CNTNAP2: variants seen among roughly 807,000 people sequenced by gnomAD.
The protein encoded by CNTNAP2 is contactin-associated protein-like 2.
Under a neutral mutation model 155.2 loss-of-function variants are expected in CNTNAP2, and 98 were observed. The ratio of observed to expected loss-of-function variants is 0.63; its 90% CI spans 0.54 to 0.75. The LOEUF (loss-of-function observed/expected upper bound fraction) is 0.75, where lower values mean the gene tolerates loss of function less well. Among genes scored for constraint, CNTNAP2 ranks in the 30% least tolerant of loss-of-function variants. The pLI is 0.00. For synonymous variants in CNTNAP2, 651 were observed against 631.2 expected (o/e 1.03, Z -0.47); for missense variants, 1,727 against 1,688.1 (o/e 1.02, Z -0.40).
At chr7:146,588,176 G>C (rs867889305) in intron 1 of CNTNAP2, among the ~76,000 whole-genome samples, 1 of 152,076 alleles carries the variant, frequency 6.6e-6, no homozygotes, top group Admixed American at 6.6e-5. Context: ...AGAGATTTTG[G>C]TGTGGTTTGT....
intron 23 of CNTNAP2, among the ~76,000 whole-genome samples, chr7:148,413,139 C>T (rs549186754): frequency 5.7e-4 from 86 of 151,734 alleles, no homozygotes; most frequent in African/African-American, 2.0e-3. Flanking sequence ...CGCCTATAAT[C>T]CCAGCACTTT....
At chr7:148,183,379 G>A (rs1795068847) in intron 18 of CNTNAP2, among the ~76,000 whole-genome samples, 2 of 151,562 alleles carry the variant, frequency 1.3e-5, no homozygotes, top group African/African-American at 4.8e-5. Context: ...TATCATTAAA[G>A]CCTAAAGTCT....
intron 21 of CNTNAP2, among the ~76,000 whole-genome samples, chr7:148,363,626 G>T (rs981623921): frequency 2.0e-5 from 3 of 152,032 alleles, no homozygotes; most frequent in African/African-American, 7.2e-5. Context: ...TTTTTTCCTT[G>T]GGTTCCTTTT....
Position 147,651,431 on chromosome 7 carries a change from C to T in CNTNAP2, c.2098+12125C>T, listed in dbSNP as rs145369673. The stretch of plus-strand genomic sequence containing the variant: ...AGTGTTTTTTTGAATAACTGGACCC[C>T]GTAGCTAAGTTGACAGATAAAACCG... On this transcript the variant is annotated intron_variant, in intron 13 of 23. Coordinates refer to ENST00000361727, the MANE Select transcript of CNTNAP2 (RefSeq NM_014141.6). Among the ~76,000 whole-genome samples the T allele has an allele frequency of 7.0e-3, 1,067 of 152,290 alleles. 7 individuals are homozygous for T. The highest frequency in any genetic ancestry group is 0.014 in the Middle Eastern group (4 of 294).
At chr7:146,228,569 C>T (rs183655910) in intron 1 of CNTNAP2, among the ~76,000 whole-genome samples, 149 of 152,248 alleles carry the variant, frequency 9.8e-4, no homozygotes, top group Non-Finnish European at 1.4e-3. Flanking sequence ...GCTCTTTATG[C>T]ATTAATAGTA....
At position 148,147,635 on chromosome 7, in the gene CNTNAP2, G is replaced by A. The variant is rs374321266; in HGVS notation, c.2699G>A (p.Arg900Gln). The A allele has an allele frequency of 3.0e-5, 48 of 1,613,916 alleles. No homozygotes were observed. The highest frequency in any genetic ancestry group is 6.7e-5 in the East Asian group (3 of 44,870). ...NVKQASLQVD[R>Q]LPQQIRKAPT... ...AAGCAGGCCAGCCTACAGGTGGACC[G>A]GCTACCGCAGCAGATCCGCAAGGCC... The change falls in exon 17 of 24, where the codon CGG becomes CAG. Residue 900 changes from arginine (R) to glutamine (Q), a missense_variant. Arg to Gln is a conservative substitution (Grantham distance 43). Coordinates refer to ENST00000361727, the MANE Select transcript of CNTNAP2 (RefSeq NM_014141.6).
intron 17 of CNTNAP2, among the ~76,000 whole-genome samples, chr7:148,163,206 C>T (rs965880358): frequency 1.3e-5 from 2 of 152,142 alleles, no homozygotes; most frequent in African/African-American, 2.4e-5. Context: ...AAAAGCTATC[C>T]AGCCTGGGTG....
At chr7:147,541,939 G>C (rs1260034650) in intron 11 of CNTNAP2, among the ~76,000 whole-genome samples, 3 of 152,138 alleles carry the variant, frequency 2.0e-5, no homozygotes, top group African/African-American at 7.2e-5. Flanking sequence ...CCAGATAACA[G>C]ACATGCCTAT....
chr7:146,415,549 T>G (rs1053734925), intron 1 of CNTNAP2, among the ~76,000 whole-genome samples: 20 of 152,302 alleles, frequency 1.3e-4, no homozygotes, highest in Admixed American at 6.5e-4. Flanking sequence ...TTGAAAATTT[T>G]AACTGTTAGC....
chr7:147,564,294 A>C (rs970262409), intron 12 of CNTNAP2, among the ~76,000 whole-genome samples: 17 of 152,280 alleles, frequency 1.1e-4, no homozygotes, highest in African/African-American at 3.6e-4. Context: ...TTGAAAAAGA[A>C]CTTTAGGCAT....
chr7:146,719,671 G>T (rs919228246), intron 1 of CNTNAP2, among the ~76,000 whole-genome samples: 1 of 151,494 alleles, frequency 6.6e-6, no homozygotes, highest in East Asian at 1.9e-4. Context: ...GTTCGTCCTT[G>T]AATTCAGTTT....
At position 147,188,024 on chromosome 7, in the gene CNTNAP2, G is replaced by A. The variant is rs377640367; in HGVS notation, c.1348+55515G>A. Among the ~76,000 whole-genome samples the A allele has an allele frequency of 1.4e-4, 21 of 152,218 alleles. No homozygotes were observed. The East Asian group carries it at 2.3e-3, about 17-fold the overall frequency. On this transcript the variant is annotated intron_variant, in intron 8 of 23. Coordinates refer to ENST00000361727, the MANE Select transcript of CNTNAP2 (RefSeq NM_014141.6). The stretch of plus-strand genomic sequence containing the variant: ...TGCAGTGAGCTGAGATTGTGCCACT[G>A]CACTCCAGCCAGGGTGACCAAGTGA...
intron 1 of CNTNAP2, among the ~76,000 whole-genome samples, chr7:146,503,571 T>C (rs535247220): frequency 2.0e-5 from 3 of 152,312 alleles, no homozygotes; most frequent in Admixed American, 1.3e-4. Flanking sequence ...ACATGTAAGG[T>C]CTTACACTTA....
chr7:148,172,134 T>G (rs1482206224), intron 17 of CNTNAP2, 108 bp from the exon 18 acceptor site: 5 of 1,058,040 alleles, frequency 4.7e-6, no homozygotes, highest in South Asian at 2.5e-5. Flanking sequence ...GTGACAATAC[T>G]AGATGTGCTA....
intron 3 of CNTNAP2, among the ~76,000 whole-genome samples, chr7:146,903,938 A>G (rs1160671460): frequency 6.6e-6 from 1 of 152,234 alleles, no homozygotes; most frequent in East Asian, 1.9e-4. Context: ...TTTCTCTACT[A>G]TATATGTAAA....
chr7:147,416,055 G>C (rs73740938), intron 10 of CNTNAP2, among the ~76,000 whole-genome samples: 2,513 of 152,254 alleles, frequency 0.017, 71 homozygotes, highest in African/African-American at 0.058. Flanking sequence ...TCTGCTTATA[G>C]TTTTTGCAGT....
chr7:146,352,730 A>G (rs1211871895), intron 1 of CNTNAP2, among the ~76,000 whole-genome samples: 1 of 137,378 alleles, frequency 7.3e-6, no homozygotes, highest in Non-Finnish European at 1.6e-5. Context: ...TTCTCTTATA[A>G]TTTCAATTAG....
intron 3 of CNTNAP2, among the ~76,000 whole-genome samples, chr7:146,989,606 T>C (rs544373395): frequency 6.6e-6 from 1 of 152,192 alleles, no homozygotes; most frequent in Non-Finnish European, 1.5e-5. Flanking sequence ...AATTTCCAAA[T>C]CTCATCTCTT....
chr7:146,636,270 C>T (rs900386294), intron 1 of CNTNAP2, among the ~76,000 whole-genome samples: 1 of 152,022 alleles, frequency 6.6e-6, no homozygotes, highest in African/African-American at 2.4e-5. Context: ...TTTGTCAAAA[C>T]TTATGGAACT....
Sources: gnomAD v4.1 joint callset for allele counts (sites outside exome capture counted in the v4.1 genomes callset) on GRCh38, gnomAD v4.1.1 for gene constraint, MANE v1.5 for transcripts, NCBI Gene and HGNC (gene_info 2026-07-23, HGNC 2026-07-21) for gene names.